Variants in AKAP13 observed in about 807,000 individuals in gnomAD.
The protein encoded by AKAP13 is A-kinase anchoring protein 13.
AKAP13 carries 80 observed loss-of-function variants against 264.5 expected under a neutral mutation model. The ratio of observed to expected loss-of-function variants is 0.30; its 90% confidence interval spans 0.25 to 0.36. The LOEUF is 0.36. AKAP13 is among the 10% of genes least tolerant of loss of function. AKAP13 has a pLI of 1.00. For synonymous variants in AKAP13, 1,380 were observed against 1,250.2 expected, an observed-to-expected ratio of 1.10 and a Z score of -2.19; for missense variants, 3,712 against 3,435.2, an observed-to-expected ratio of 1.08 and a Z score of -2.01.
At chr15:85,655,851 T>G in intron 11 of AKAP13, 64 bp downstream of exon 11, 1 of 1,520,494 alleles carries the variant, frequency 6.6e-7, no homozygotes, top group Non-Finnish European at 8.8e-7. Flanking sequence ...GCTTCTGATT[T>G]GTATTATTGT....
chr15:85,504,867 C>T (rs974699144), intron 2 of AKAP13, among the ~76,000 whole-genome samples: 2 of 151,996 alleles, frequency 1.3e-5, no homozygotes, highest in African/African-American at 2.4e-5. Flanking sequence ...TGCTCTTTCT[C>T]GCTCTCTCTC....
chr15:85,465,004 G>C (rs948134497), intron 1 of AKAP13, among the ~76,000 whole-genome samples: 2 of 151,966 alleles, frequency 1.3e-5, no homozygotes, highest in Non-Finnish European at 2.9e-5. Flanking sequence ...GCAGTGGCAC[G>C]ATCTCGGCTC....
intron 6 of AKAP13, among the ~76,000 whole-genome samples, chr15:85,576,900 C>A (rs578236792): frequency 1.3e-5 from 2 of 152,112 alleles, no homozygotes; most frequent in Non-Finnish European, 2.9e-5. Context: ...CAGGCAAATA[C>A]GAGAAATTAA....
rs575014466 is a variant in AKAP13, at chr15:85,747,320, A to G, written c.*2643A>G. 1 of 152,450 alleles carries G rather than the reference A, an allele frequency of 6.6e-6. No homozygotes were observed. Among genetic ancestry groups the G allele is most frequent in the East Asian group, 1.9e-4 (1 of 5,184 alleles). 9.4% of individuals were successfully genotyped at this position (152,450 alleles called of 1,614,324 possible). A position where few individuals can be genotyped will look rare whatever the true frequency, so the allele number is the denominator to read the frequency against. On this transcript the variant is annotated 3_prime_UTR_variant, in exon 37 of 37. Transcript: ENST00000394518. The stretch of plus-strand genomic sequence containing the variant: ...ATGGTGGCTGCCTGTGCTTTTGCTC[A>G]TGGCCTTGACAGTGCTCTAGTTGCT...
chr15:85,622,517 G>A (rs1567160497), intron 8 of AKAP13, among the ~76,000 whole-genome samples: 1 of 152,192 alleles, frequency 6.6e-6, no homozygotes, highest in Non-Finnish European at 1.5e-5. Flanking sequence ...ACAGCTATGG[G>A]GAGGATGCCT....
chr15:85,616,320 G>T (rs1421650710), intron 8 of AKAP13, among the ~76,000 whole-genome samples: 2 of 152,194 alleles, frequency 1.3e-5, no homozygotes, highest in Non-Finnish European at 1.5e-5. Flanking sequence ...TAAGGTGCTA[G>T]ATCTTGTAGT....
chr15:85,576,459 A>C (rs912555602), intron 6 of AKAP13, among the ~76,000 whole-genome samples: 1 of 152,228 alleles, frequency 6.6e-6, no homozygotes, highest in Non-Finnish European at 1.5e-5. Flanking sequence ...ACATAAAAAC[A>C]TTACAGACTC....
At chr15:85,411,278 G>A (rs566881869) in intron 1 of AKAP13, among the ~76,000 whole-genome samples, 1 of 152,280 alleles carries the variant, frequency 6.6e-6, no homozygotes, top group African/African-American at 2.4e-5. Context: ...TAATGTCTGT[G>A]ATGAAGTAGT....
chr15:85,422,287 C>T (rs2072560297), intron 1 of AKAP13, among the ~76,000 whole-genome samples: 1 of 152,008 alleles, frequency 6.6e-6, no homozygotes, highest in Non-Finnish European at 1.5e-5. Flanking sequence ...GGCTACCTGA[C>T]CCAGTTTAGA....
intron 2 of AKAP13, among the ~76,000 whole-genome samples, chr15:85,511,032 A>G (rs1042872317): frequency 1.3e-5 from 2 of 152,108 alleles, no homozygotes; most frequent in African/African-American, 2.4e-5. Flanking sequence ...TGTTATGAAA[A>G]AACCCATTTA....
rs775420657 is a variant in AKAP13, at chr15:85,727,478, G to A, written c.7087+15G>A. 6 of 1,613,504 alleles carry A rather than the reference G, an allele frequency of 3.7e-6. No individual in the cohort carries two copies. In the Admixed American group the frequency reaches 1.0e-4, roughly 27 times the overall value. On this transcript the variant is annotated intron_variant, in intron 29 of 36. Coordinates refer to ENST00000394518, the MANE Select transcript of AKAP13 (RefSeq NM_007200.5). The surrounding 1 kb of genome is among the most constrained non-coding windows in gnomAD (Gnocchi z 5.3). ...AGAATTAAAAGGTGAGGCATTGCGA[G>A]TGGTCTGAGCCCCTTGTCTGGAATG...
chr15:85,460,040 C>CTTTTCAAATGTG (rs2074446631), intron 1 of AKAP13, among the ~76,000 whole-genome samples: 1 of 152,176 alleles, frequency 6.6e-6, no homozygotes, highest in Non-Finnish European at 1.5e-5. Context: ...ACAGACTTAC[C>CTTTTCAAATGTG]TTTTCAAATG....
chr15:85,505,298 G>C (rs1408064234), intron 2 of AKAP13, among the ~76,000 whole-genome samples: 1 of 152,184 alleles, frequency 6.6e-6, no homozygotes, highest in East Asian at 1.9e-4. Flanking sequence ...GACCAAATAG[G>C]TGGTGCCTGG....
At chr15:85,640,972 A>G (rs1252517123) in intron 9 of AKAP13, among the ~76,000 whole-genome samples, 1 of 152,192 alleles carries the variant, frequency 6.6e-6, no homozygotes. Context: ...TTTTAGAGTA[A>G]TTATTGTAAA....
In AKAP13 at chr15:85,743,648, A is replaced by G. The variant is rs2089222777; in HGVS notation, c.8215A>G (p.Lys2739Glu). 6.2e-7 allele frequency: 1 copy of G among 1,614,186 alleles called. No homozygotes were observed. Among genetic ancestry groups the G allele is most frequent in the Non-Finnish European group, 8.5e-7 (1 of 1,180,038 alleles). The change falls in exon 36 of 37, where the codon AAA (lysine) becomes GAA (glutamate). Residue 2739 changes from lysine (K) to glutamate (E), a missense_variant. Physicochemically the swap from Lys to Glu is moderately conservative, Grantham distance 56. Around this residue, in one of 3 missense-constraint regions of AKAP13, gnomAD observed 611 missense variants for 539.3 expected, o/e 1.13. Transcript: ENST00000394518. ...AAGGAACAGCATCTCTCGGACACAC[A>G]AAGATAAGGGGCCTTTTCACATACT... ...PKRNSISRTH[K>E]DKGPFHILSS... is the part of the protein sequence containing the mutation.
chr15:85,510,794 A>G (rs568148264), intron 2 of AKAP13, among the ~76,000 whole-genome samples: 3 of 152,340 alleles, frequency 2.0e-5, no homozygotes, highest in East Asian at 3.8e-4. Context: ...TGTATCATGA[A>G]TCTGGGAAGG....
chr15:85,580,439 C>G lies in AKAP13; in HGVS notation c.2371C>G (p.Pro791Ala). 6.2e-7 allele frequency: 1 copy of G among 1,614,204 alleles called. No homozygotes were observed. The highest frequency in any genetic ancestry group is 1.7e-5 in the Admixed American group (1 of 60,024). ...SDSTFSLANS[P>A]GSESVTKDDA... ...CAGTACTTTCTCTCTGGCAAACAGT[C>G]CAGGCAGTGAATCAGTAACCAAGGA... The change falls in exon 7 of 37, where the codon CCA (proline) becomes GCA (alanine). Residue 791 changes from proline to alanine, a missense_variant. Physicochemically the swap from Pro to Ala is conservative, Grantham distance 27 (BLOSUM62 -1). This residue lies in a region of AKAP13 where 2,759 missense variants were observed against 2,411.7 expected (regional missense o/e 1.14). Transcript: ENST00000394518.
At chr15:85,681,489 G>A (rs1179384229) in intron 14 of AKAP13, among the ~76,000 whole-genome samples, 1 of 152,036 alleles carries the variant, frequency 6.6e-6, no homozygotes, top group Admixed American at 6.6e-5. Flanking sequence ...GCAGTTTATG[G>A]TCCAGTGGTT....
chr15:85,660,685 T>C (rs1035424044), intron 12 of AKAP13, among the ~76,000 whole-genome samples: 1 of 152,200 alleles, frequency 6.6e-6, no homozygotes, highest in Non-Finnish European at 1.5e-5. Flanking sequence ...TTGTAAAATA[T>C]ATATCTTCTC....
Sources: allele counts gnomAD v4.1 joint callset (sites outside exome capture counted in the v4.1 genomes callset), GRCh38; gene constraint gnomAD v4.1.1; regional missense constraint gnomAD v4.1.1; non-coding constraint Gnocchi (gnomAD v3.1); transcripts MANE v1.5; gene names NCBI Gene and HGNC (gene_info 2026-07-23, HGNC 2026-07-21).